Variants in GRID2 observed in about 807,000 individuals in gnomAD.
GRID2 encodes glutamate ionotropic receptor delta type subunit 2.
GRID2 carries 33 observed loss-of-function variants against 114.8 expected under a neutral mutation model. The observed-to-expected ratio is 0.29, with a 90% CI of 0.22 to 0.38. GRID2 has a LOEUF of 0.38. GRID2 is among the 10% of genes least tolerant of loss of function. The probability of loss-of-function intolerance (pLI) is 1.00; values close to 1 mark genes in which losing one functional copy is unlikely to be tolerated. For missense variants in GRID2, 1,184 were observed against 1,257.7 expected (o/e 0.94, Z 0.89); for synonymous variants, 505 against 449.9 (o/e 1.12, Z -1.55).
At chr4:92,454,646 C>A (rs950278191) in intron 1 of GRID2, among the ~76,000 whole-genome samples, 8 of 152,116 alleles carry the variant, frequency 5.3e-5, no homozygotes, top group Non-Finnish European at 8.8e-5. Context: ...ACCATCCTGG[C>A]TAACACGGTG....
intron 14 of GRID2, among the ~76,000 whole-genome samples, chr4:93,717,098 C>T (rs552554189): frequency 6.6e-6 from 1 of 152,206 alleles, no homozygotes; most frequent in South Asian, 2.1e-4. Flanking sequence ...CTCTGCTTTG[C>T]AGTCAGTTCT....
intron 14 of GRID2, among the ~76,000 whole-genome samples, chr4:93,689,497 G>A (rs1159460621): frequency 6.6e-6 from 1 of 151,976 alleles, no homozygotes; most frequent in Non-Finnish European, 1.5e-5. Context: ...GCCTCTAATT[G>A]CTCCAGATCA....
chr4:92,940,351 A>G (rs367776820), intron 2 of GRID2, among the ~76,000 whole-genome samples: 4 of 144,980 alleles, frequency 2.8e-5, no homozygotes, highest in African/African-American at 4.9e-5. Flanking sequence ...GTTCACTCAT[A>G]ATTTGGCTCT....
chr4:92,362,404 C>T (rs1728658391), intron 1 of GRID2, among the ~76,000 whole-genome samples: 1 of 151,872 alleles, frequency 6.6e-6, no homozygotes, highest in African/African-American at 2.4e-5. Context: ...CTTAATGTGG[C>T]TTAAAACAAG....
intron 1 of GRID2, among the ~76,000 whole-genome samples, chr4:92,398,817 AC>A (rs1186744316): frequency 6.6e-6 from 1 of 152,194 alleles, no homozygotes; most frequent in Non-Finnish European, 1.5e-5. Flanking sequence ...CCATATTATT[AC>A]AAAGTGAAAG....
At chr4:92,603,294 A>G (rs1209508700) in intron 2 of GRID2, among the ~76,000 whole-genome samples, 1 of 152,182 alleles carries the variant, frequency 6.6e-6, no homozygotes, top group African/African-American at 2.4e-5. Context: ...CCTGACTTCA[A>G]ACTATACTAC....
At chr4:93,005,229 A>G (rs1308413397) in intron 2 of GRID2, among the ~76,000 whole-genome samples, 1 of 152,110 alleles carries the variant, frequency 6.6e-6, no homozygotes, top group African/African-American at 2.4e-5. Flanking sequence ...CTCAATAGAT[A>G]ACATGGTCAT....
At chr4:92,529,769 G>T (rs1245088531) in intron 1 of GRID2, among the ~76,000 whole-genome samples, 1 of 152,162 alleles carries the variant, frequency 6.6e-6, no homozygotes, top group East Asian at 1.9e-4. Flanking sequence ...CTCTTCAATA[G>T]TTGTGTCAGG....
chr4:92,918,175 T>C (rs1748977092), intron 2 of GRID2, among the ~76,000 whole-genome samples: 1 of 152,178 alleles, frequency 6.6e-6, no homozygotes, highest in Non-Finnish European at 1.5e-5. Flanking sequence ...TGTATAAGAA[T>C]GATTGTTATT....
At position 92,350,675 on chromosome 4, in the gene GRID2, G is replaced by A. The variant is rs1728020956; in HGVS notation, c.88+45931G>A. On this transcript the variant is annotated intron_variant, in intron 1 of 15. Transcript: ENST00000282020. ...ATTACATTTTCTTAACAGCTTTATT[G>A]AGATATAATTTACATACCATGTAAT... Among the ~76,000 whole-genome samples, 3 of 151,716 alleles carry A rather than the reference G, an allele frequency of 2.0e-5. No individual in the cohort carries two copies. In the South Asian group the frequency reaches 6.2e-4, roughly 31 times the overall value.
chr4:93,684,162 T>G (rs11931164), intron 14 of GRID2, among the ~76,000 whole-genome samples: 5,731 of 152,228 alleles, frequency 0.038, 165 homozygotes, highest in African/African-American at 0.081. Context: ...CATATTAGAT[T>G]ATTGTTTTTG....
chr4:92,782,103 A>G (rs1739106632), intron 2 of GRID2, among the ~76,000 whole-genome samples: 2 of 152,048 alleles, frequency 1.3e-5, no homozygotes, highest in South Asian at 4.1e-4. Flanking sequence ...TTTCAATACC[A>G]TCAATTTACA....
chr4:92,553,559 T>A (rs1028046763), intron 1 of GRID2, among the ~76,000 whole-genome samples: 3 of 152,272 alleles, frequency 2.0e-5, no homozygotes, highest in South Asian at 2.1e-4. Flanking sequence ...TTTTGATGCA[T>A]CTCACTTATT....
chr4:92,629,263 T>G (rs556930081), intron 2 of GRID2, among the ~76,000 whole-genome samples: 1 of 152,258 alleles, frequency 6.6e-6, no homozygotes, highest in African/African-American at 2.4e-5. Context: ...ATATGCAACA[T>G]TTATAGGTGT....
chr4:93,802,395 A>AGT (rs943563612), intron 1 of GRID2, among the ~76,000 whole-genome samples: 4 of 150,838 alleles, frequency 2.7e-5, no homozygotes, highest in Non-Finnish European at 5.9e-5. Flanking sequence ...TGTGTGTGTG[A>AGT]GTGTGTGTGT....
At chr4:92,642,061 C>A (rs973455841) in intron 2 of GRID2, among the ~76,000 whole-genome samples, 1 of 151,304 alleles carries the variant, frequency 6.6e-6, no homozygotes, top group African/African-American at 2.4e-5. Context: ...ATTTCATTAT[C>A]TTTGCTCTTG....
chr4:92,982,998 C>G (rs979179992), intron 2 of GRID2, among the ~76,000 whole-genome samples: 3 of 151,892 alleles, frequency 2.0e-5, no homozygotes, highest in Non-Finnish European at 2.9e-5. Context: ...ATGTATCAAA[C>G]TGGGTCAGCT....
At chr4:93,164,485 T>C (rs142465653) in intron 4 of GRID2, among the ~76,000 whole-genome samples, 12 of 152,246 alleles carry the variant, frequency 7.9e-5, no homozygotes, top group African/African-American at 2.6e-4. Context: ...AACATGCAGT[T>C]ATTTTAAATT....
rs74880704 is a variant in GRID2, at chr4:92,643,745, C to A, written c.244+53459C>A. 2.1e-4 allele frequency among the ~76,000 whole-genome samples: 32 copies of A among 151,746 alleles called. No homozygotes were observed. The East Asian group carries it at 5.3e-3, about 25-fold the overall frequency. ...AAGTGCTAGGAATCACAGGTATGGG[C>A]CTCTGCACCTGGCCAAATTTAAAAA... is the stretch of plus-strand genomic sequence containing the variant. On this transcript the variant is annotated intron_variant, in intron 2 of 15. Transcript: ENST00000282020.
Sources: gnomAD v4.1 joint callset for allele counts (sites outside exome capture counted in the v4.1 genomes callset) on GRCh38, gnomAD v4.1.1 for gene constraint, MANE v1.5 for transcripts, NCBI Gene and HGNC (gene_info 2026-07-23, HGNC 2026-07-21) for gene names.